The following CSTF2 variants were observed in gnomAD, a reference collection of about 807,000 sequenced individuals.
CSTF2 encodes CF-1 64 kDa subunit.
Under a neutral mutation model 45.4 loss-of-function variants are expected in CSTF2, and 8 were observed. The ratio of observed to expected loss-of-function variants is 0.18; its 90% CI spans 0.10 to 0.32. The LOEUF (loss-of-function observed/expected upper bound fraction) is 0.32, where lower values mean the gene tolerates loss of function less well. Among genes scored for constraint, CSTF2 ranks in the 10% least tolerant of loss-of-function variants. The pLI is 1.00. For missense variants in CSTF2, 253 were observed against 477.1 expected (o/e 0.53, Z 4.38); for synonymous variants, 155 against 158.9 (o/e 0.98, Z 0.18).
Position 100,838,178 on chromosome X carries a change from G to T in CSTF2, c.1612-61G>T, listed in dbSNP as rs1165830731. 2.8e-6 allele frequency: 3 copies of T among 1,057,705 alleles called. No homozygotes were observed. Among genetic ancestry groups the T allele is most frequent in the African/African-American group, 1.9e-5 (1 of 51,780 alleles). The allele number at this position is 1,057,705 out of a possible 1,213,427, so 87.2% of individuals were successfully genotyped here. A position where few individuals can be genotyped will look rare whatever the true frequency, so the allele number is the denominator to read the frequency against. On this transcript the variant is annotated intron_variant, in intron 12 of 13. Coordinates refer to ENST00000372972, the MANE Select transcript of CSTF2 (RefSeq NM_001325.3). ...AAGCTGGTGGTGGGTTTTTTGTTTTGTTTTGTATTTTTTAGCTGCCATCAT... is the reference window on the plus strand; with the variant it reads ...AAGCTGGTGGTGGGTTTTTTGTTTTTTTTTGTATTTTTTAGCTGCCATCAT...
intron 9 of CSTF2, among the ~76,000 whole-genome samples, chrX:100,832,290 G>T (rs895258768): frequency 2.7e-5 from 3 of 112,094 alleles, no homozygotes; most frequent in African/African-American, 6.5e-5. Context: ...CTCTGACTCT[G>T]CTCTGAGTAC....
At chrX:100,825,027 A>G (rs1448877390) in intron 6 of CSTF2, among the ~76,000 whole-genome samples, 1 of 112,899 alleles carries the variant, frequency 8.9e-6, no homozygotes, top group Admixed American at 9.3e-5. Flanking sequence ...ACATACGGAC[A>G]TGAAACTAAG....
At chrX:100,825,169 G>A (rs746998105) in intron 6 of CSTF2, among the ~76,000 whole-genome samples, 11 of 112,043 alleles carry the variant, frequency 9.8e-5, no homozygotes, top group Non-Finnish European at 2.1e-4. Flanking sequence ...TTAAGAAGAC[G>A]TCTTAGTGGT....
At chrX:100,830,555 C>T (rs2084969058) in intron 8 of CSTF2, among the ~76,000 whole-genome samples, 1 of 111,394 alleles carries the variant, frequency 9.0e-6, no homozygotes, top group Non-Finnish European at 1.9e-5. Context: ...TCAGGTTATT[C>T]CCACCTAGAT....
chrX:100,834,764 C>A (rs910547214), intron 11 of CSTF2, among the ~76,000 whole-genome samples: 25 of 111,991 alleles, frequency 2.2e-4, no homozygotes, highest in African/African-American at 8.1e-4. Context: ...GAACAAAGCC[C>A]CTTCCCCCAT....
At chrX:100,830,511 G>A (rs1054840959) in intron 8 of CSTF2, among the ~76,000 whole-genome samples, 3 of 111,013 alleles carry the variant, frequency 2.7e-5, no homozygotes, top group African/African-American at 9.9e-5. Flanking sequence ...GAGACCTAAC[G>A]GAAAACTAGT....
intron 3 of CSTF2, 84 bp downstream of exon 3, chrX:100,822,504 T>C: frequency 1.0e-6 from 1 of 991,884 alleles, no homozygotes. Context: ...TGTTTTAGAA[T>C]ATGCTGAAAT....
intron 8 of CSTF2, among the ~76,000 whole-genome samples, chrX:100,828,721 G>C (rs2084958242): frequency 8.9e-6 from 1 of 112,205 alleles, no homozygotes; most frequent in South Asian, 3.7e-4. Context: ...TGAAGGACAA[G>C]AAAGTGCAGT....
intron 3 of CSTF2, among the ~76,000 whole-genome samples, chrX:100,822,939 G>A (rs1470629264): frequency 9.0e-6 from 1 of 111,178 alleles, no homozygotes; most frequent in East Asian, 2.8e-4. Context: ...ACTAACTGTG[G>A]CATTAGTCAT....
intron 10 of CSTF2, 42 bp downstream of exon 10, chrX:100,832,951 T>A: frequency 8.9e-7 from 1 of 1,121,951 alleles, no homozygotes; most frequent in Non-Finnish European, 1.2e-6. Flanking sequence ...TGAACTCAAC[T>A]GTCTTAGGCT....
chrX:100,833,806 C>T (rs1222153699), intron 11 of CSTF2, among the ~76,000 whole-genome samples: 1 of 111,997 alleles, frequency 8.9e-6, no homozygotes, highest in East Asian at 2.8e-4. Context: ...TTGCCCGGAT[C>T]TCATCCGAGG....
At chrX:100,830,949 A>C in intron 8 of CSTF2, 7 of 828,172 alleles carry the variant, frequency 8.5e-6, no homozygotes, top group Non-Finnish European at 1.2e-5. Flanking sequence ...CGTGGCAGTC[A>C]TCCTCGCGTT....
chrX:100,832,297 G>A (rs1385498571), intron 9 of CSTF2, among the ~76,000 whole-genome samples: 2 of 112,228 alleles, frequency 1.8e-5, no homozygotes, highest in Non-Finnish European at 3.8e-5. Context: ...TCTGCTCTGA[G>A]TACTTTACTT....
At position 100,826,686 on chromosome X, in the gene CSTF2, G is replaced by C. The variant is rs138618143; in HGVS notation, c.755G>C (p.Gly252Ala). The C allele has an allele frequency of 2.2e-4, 261 of 1,208,493 alleles. No homozygotes were observed. In the African/African-American group the frequency reaches 4.1e-3, roughly 19 times the overall value. ...CCTCTGATGCAAGCTTCTATGCAGG[G>C]TGGAGTTCCAGCACCAGGGCAAATG... ...APPLMQASMQGGVPAPGQMPA... is the reference protein window; with the variant it reads ...APPLMQASMQAGVPAPGQMPA... Residue 252 changes from glycine to alanine, a missense_variant, in exon 7 of 14, where the codon GGT becomes GCT. Physicochemically the swap from Gly to Ala is moderately conservative, Grantham distance 60. Around this residue, in one of 3 missense-constraint regions of CSTF2, gnomAD observed 200 missense variants for 294.0 expected, o/e 0.68. Coordinates refer to ENST00000372972, the MANE Select transcript of CSTF2 (RefSeq NM_001325.3).
At position 100,824,253 on chromosome X, in the gene CSTF2, C is replaced by G. The variant is rs1322989801; in HGVS notation, c.698C>G (p.Ser233Cys). The G allele has an allele frequency of 2.5e-6, 3 of 1,205,051 alleles. No individual in the cohort carries two copies. The highest frequency in any genetic ancestry group is 5.9e-5 in the East Asian group (2 of 33,754). The part of the protein sequence containing the change: ...QQNPQAPQAQ[S>C]LGGMHVNGAP... Reference sequence around the variant, plus strand: ...AATCCTCAGGCCCCTCAGGCCCAGTCTTTGGTAGGGCTTTATCCCTTAACA... The same window carrying G: ...AATCCTCAGGCCCCTCAGGCCCAGTGTTTGGTAGGGCTTTATCCCTTAACA... The change falls in exon 6 of 14, where the codon TCT becomes TGT. Residue 233 changes from serine (S) to cysteine (C), a missense_variant. Physicochemically the swap from Ser to Cys is moderately radical, Grantham distance 112. Coordinates refer to ENST00000372972, the MANE Select transcript of CSTF2 (RefSeq NM_001325.3).
At chrX:100,831,196 C>T (rs191473023) in intron 8 of CSTF2, among the ~76,000 whole-genome samples, 5 of 111,257 alleles carry the variant, frequency 4.5e-5, no homozygotes, top group Admixed American at 9.5e-5. Context: ...CAAGACTCTA[C>T]CTCTGTTTTG....
chrX:100,836,107 C>G (rs988438010), intron 11 of CSTF2, among the ~76,000 whole-genome samples: 6 of 112,057 alleles, frequency 5.4e-5, no homozygotes, highest in Non-Finnish European at 1.1e-4. Flanking sequence ...GCAGTCTATA[C>G]AAATCTGTAC....
At position 100,826,626 on chromosome X, in the gene CSTF2, T is replaced by C. The variant is rs1446785095; in HGVS notation, c.703-8T>C. On this transcript the variant is annotated splice_polypyrimidine_tract_variant and splice_region_variant and intron_variant, in intron 6 of 13. Transcript: ENST00000372972. ...CATATACATACTCTGTTTTTTTTGC[T>C]TGGTCAGGGTGGAATGCATGTCAAT... The C allele has an allele frequency of 2.5e-6, 3 of 1,209,385 alleles. No individual in the cohort carries two copies. Among genetic ancestry groups the C allele is most frequent in the East Asian group, 5.9e-5 (2 of 33,847 alleles).
At chrX:100,831,747 T>G in intron 9 of CSTF2, 91 bp downstream of exon 9, 1 of 984,072 alleles carries the variant, frequency 1.0e-6, no homozygotes, top group Non-Finnish European at 1.4e-6. Context: ...GTTGTACCTG[T>G]TTGCCTACTT....
Sources: allele counts gnomAD v4.1 joint callset (sites outside exome capture counted in the v4.1 genomes callset), GRCh38; gene constraint gnomAD v4.1.1; regional missense constraint gnomAD v4.1.1; transcripts MANE v1.5; gene names NCBI Gene and HGNC (gene_info 2026-07-23, HGNC 2026-07-21).